Variants in TMPRSS15 observed in about 807,000 individuals in gnomAD.
TMPRSS15 encodes transmembrane serine protease 15.
TMPRSS15 carries 128 observed loss-of-function variants against 125.3 expected under a neutral mutation model. The observed-to-expected ratio is 1.02, with a 90% confidence interval of 0.89 to 1.18. The LOEUF (loss-of-function observed/expected upper bound fraction) is 1.18, where lower values mean the gene tolerates loss of function less well. Among genes scored for constraint, TMPRSS15 ranks in the 50% most tolerant of loss-of-function variants. The pLI is 0.00. For missense variants in TMPRSS15, 1,283 were observed against 1,212.7 expected (o/e 1.06, Z -0.86); for synonymous variants, 446 against 423.2 (o/e 1.05, Z -0.66).
At chr21:18,481,898 T>C (rs1041407) in intron 1 of TMPRSS15, among the ~76,000 whole-genome samples, 87,734 of 151,334 alleles carry the variant, frequency 0.58, 26,513 homozygotes, top group East Asian at 0.92. Context: ...AAACAATAGA[T>C]GCAGGAGGAA....
chr21:18,327,317 G>A (rs907692575), intron 15 of TMPRSS15, among the ~76,000 whole-genome samples: 10 of 152,132 alleles, frequency 6.6e-5, no homozygotes, highest in African/African-American at 2.4e-4. Context: ...TGAGAACTCT[G>A]AAGTTTTTAT....
chr21:18,317,784 C>CA (rs1307073644), intron 16 of TMPRSS15, among the ~76,000 whole-genome samples: 6 of 119,472 alleles, frequency 5.0e-5, no homozygotes, highest in African/African-American at 2.0e-4. Context: ...CATCCCATCC[C>CA]ATCCCATCCC....
At chr21:18,311,614 A>T (rs1568999448) in intron 18 of TMPRSS15, among the ~76,000 whole-genome samples, 1 of 152,176 alleles carries the variant, frequency 6.6e-6, no homozygotes, top group Non-Finnish European at 1.5e-5. Context: ...ATGGAGGAAG[A>T]AGAACACCCA....
At position 18,383,081 on chromosome 21, in the gene TMPRSS15, T is replaced by G. The variant is rs142123186; in HGVS notation, c.496+546A>C. ...AGAAATCGGACCTTGCCACTGGATT[T>G]TACAATCTAACAATGTCTAGAGAGA... On this transcript the variant is annotated intron_variant, in intron 4 of 24. Transcript: ENST00000284885. 3.2e-3 allele frequency among the ~76,000 whole-genome samples: 490 copies of G among 152,290 alleles called. 5 individuals carry two copies. Among genetic ancestry groups the G allele is most frequent in the African/African-American group, 0.011 (449 of 41,564 alleles).
intron 10 of TMPRSS15, among the ~76,000 whole-genome samples, chr21:18,350,939 A>G (rs1424454538): frequency 6.6e-6 from 1 of 152,066 alleles, no homozygotes; most frequent in African/African-American, 2.4e-5. Flanking sequence ...GCTTTTACTG[A>G]TGACTCTGAA....
chr21:18,272,121 T>C (rs1251687578), intron 24 of TMPRSS15, among the ~76,000 whole-genome samples: 1 of 152,184 alleles, frequency 6.6e-6, no homozygotes, highest in African/African-American at 2.4e-5. Flanking sequence ...TCTGGTTCTA[T>C]ATCCTTGAGG....
intron 1 of TMPRSS15, among the ~76,000 whole-genome samples, chr21:18,431,353 A>G (rs2076216165): frequency 6.6e-6 from 1 of 152,026 alleles, no homozygotes; most frequent in African/African-American, 2.4e-5. Flanking sequence ...ACTTCTTAAT[A>G]TGGTCTCACA....
chr21:18,415,170 T>C (rs1267186741), intron 1 of TMPRSS15, among the ~76,000 whole-genome samples: 4 of 152,158 alleles, frequency 2.6e-5, no homozygotes, highest in African/African-American at 7.2e-5. Flanking sequence ...TGGAGAAATG[T>C]CTATCAGGGT....
At chr21:18,355,372 G>A (rs889570509) in intron 8 of TMPRSS15, among the ~76,000 whole-genome samples, 1 of 151,770 alleles carries the variant, frequency 6.6e-6, no homozygotes, top group African/African-American at 2.4e-5. Flanking sequence ...TAATAGAACT[G>A]TGCTAGTCTA....
Position 18,413,292 on chromosome 21 carries a change from C to CT in TMPRSS15, c.11-14964dup, listed in dbSNP as rs772956165. On this transcript the variant is annotated intron_variant, in intron 1 of 7. Transcript: ENST00000422787. The stretch of plus-strand genomic sequence containing the variant: ...TCTTTCTTTTTCTTTTTCTTTCTTT[C>CT]TTTTCTTTCTTTTCTTTCTTTTCCT... Among the ~76,000 whole-genome samples the CT allele has an allele frequency of 2.3e-4, 20 of 85,836 alleles. 1 individual carries two copies. Among genetic ancestry groups the CT allele is most frequent in the East Asian group, 1.8e-3 (3 of 1,626 alleles). 56.3% of individuals were successfully genotyped at this position (85,836 alleles called of 152,430 possible).
At chr21:18,354,576 G>A (rs1342360363) in intron 8 of TMPRSS15, among the ~76,000 whole-genome samples, 1 of 151,558 alleles carries the variant, frequency 6.6e-6, no homozygotes, top group African/African-American at 2.4e-5. Flanking sequence ...TGCCTTTAGC[G>A]GAGTGAAAAT....
At chr21:18,470,873 C>T (rs888275963) in intron 1 of TMPRSS15, among the ~76,000 whole-genome samples, 2 of 151,928 alleles carry the variant, frequency 1.3e-5, no homozygotes, top group African/African-American at 4.8e-5. Flanking sequence ...GAGATATTTT[C>T]CTCTTTGTGG....
In TMPRSS15 at chr21:18,269,968, G is replaced by T. The variant is rs7276699; in HGVS notation, c.*1C>A. 298,108 of 1,612,474 alleles carry T rather than the reference G, an allele frequency of 0.18. 28,829 individuals are homozygous for T. The highest frequency in any genetic ancestry group is 0.24 in the African/African-American group (17,784 of 74,842). ...CTTTCCTGTTTAGTTTAAGAAATGC[G>T]CTAATGTAGAAAACTTTGTATCCAT... On this transcript the variant is annotated 3_prime_UTR_variant, in exon 25 of 25. Coordinates refer to ENST00000284885, the MANE Select transcript of TMPRSS15 (RefSeq NM_002772.3).
intron 1 of TMPRSS15, among the ~76,000 whole-genome samples, chr21:18,476,422 A>T (rs1028934967): frequency 2.0e-5 from 3 of 152,168 alleles, no homozygotes; most frequent in African/African-American, 7.2e-5. Context: ...ATTTCTTTAA[A>T]GGGAAAATGA....
chr21:18,270,513 T>C (rs949502923), intron 24 of TMPRSS15, among the ~76,000 whole-genome samples: 3 of 152,176 alleles, frequency 2.0e-5, no homozygotes, highest in East Asian at 1.9e-4. Context: ...AAGGACACTA[T>C]GGAAAAGACA....
intron 1 of TMPRSS15, among the ~76,000 whole-genome samples, chr21:18,413,319 C>CCTTCCTTCCTTCCTTG (rs2076171788): frequency 9.8e-6 from 1 of 101,920 alleles, no homozygotes; most frequent in Non-Finnish European, 1.9e-5. Context: ...TCTTTTCCTT[C>CCTTCCTTCCTTCCTTG]CTTCCTTCCT....
At chr21:18,460,736 T>C (rs1978536271) in intron 1 of TMPRSS15, 1 of 152,154 alleles carries the variant, frequency 6.6e-6, no homozygotes, top group South Asian at 2.1e-4. Context: ...CTTCAACTGA[T>C]TGGATGAGAC....
At chr21:18,419,022 G>A (rs1367914532) in intron 1 of TMPRSS15, among the ~76,000 whole-genome samples, 5 of 152,164 alleles carry the variant, frequency 3.3e-5, no homozygotes, top group African/African-American at 1.2e-4. Context: ...ATGTGCAATT[G>A]TTCCAAGAAT....
intron 1 of TMPRSS15, among the ~76,000 whole-genome samples, chr21:18,483,943 G>T (rs967189854): frequency 6.6e-6 from 1 of 151,916 alleles, no homozygotes; most frequent in South Asian, 2.1e-4. Context: ...CAGATTAACT[G>T]ATCTTGTTTA....
Sources: allele counts gnomAD v4.1 joint callset (sites outside exome capture counted in the v4.1 genomes callset), GRCh38; gene constraint gnomAD v4.1.1; transcripts MANE v1.5; gene names NCBI Gene and HGNC (gene_info 2026-07-23, HGNC 2026-07-21).